PRPF39: variants seen among roughly 807,000 people sequenced by gnomAD.
PRPF39 encodes pre-mRNA processing factor 39.
PRPF39 carries 27 observed loss-of-function variants against 82.1 expected under a neutral mutation model. That is an observed-to-expected ratio of 0.33 (90% CI 0.24 to 0.45). The LOEUF is 0.45. Among genes scored for constraint, PRPF39 ranks in the 20% least tolerant of loss-of-function variants. The probability of loss-of-function intolerance (pLI) is 1.00; values close to 1 mark genes in which losing one functional copy is unlikely to be tolerated. For missense variants in PRPF39, 581 were observed against 796.9 expected (o/e 0.73, Z 3.26); for synonymous variants, 261 against 256.4 (o/e 1.02, Z -0.17).
At chr14:45,114,464 T>C (rs1221127390) in intron 12 of PRPF39, 30 bp from the exon 13 acceptor site, 11 of 1,535,900 alleles carry the variant, frequency 7.2e-6, no homozygotes, top group East Asian at 2.3e-5. Context: ...GTGGGAGTTT[T>C]GAAAGTTTCC....
intron 1 of PRPF39, among the ~76,000 whole-genome samples, chr14:45,086,686 A>C (rs1883837639): frequency 6.6e-6 from 1 of 152,170 alleles, no homozygotes; most frequent in Non-Finnish European, 1.5e-5. Flanking sequence ...TTACACGGCA[A>C]GTATTATTTC....
chr14:45,110,448 G>A lies in PRPF39; in HGVS notation c.1304-101G>A. 1 of 1,302,890 alleles carries A rather than the reference G, an allele frequency of 7.7e-7. No homozygotes were observed. The highest frequency in any genetic ancestry group is 2.4e-5 in the Admixed American group (1 of 40,976). 80.7% of individuals were successfully genotyped at this position (1,302,890 alleles called of 1,614,324 possible). A position where few individuals can be genotyped will look rare whatever the true frequency, so the allele number is the denominator to read the frequency against. Reference sequence around the variant, plus strand: ...TATGCATGGCTGTTTCCCATTATTAGTTGCTGGATTTAGCCCATGGGTGAT... The same window carrying A: ...TATGCATGGCTGTTTCCCATTATTAATTGCTGGATTTAGCCCATGGGTGAT... On this transcript the variant is annotated intron_variant, in intron 9 of 13. Transcript: ENST00000355765. The surrounding 1 kb of genome is among the most constrained non-coding windows in gnomAD (Gnocchi z 4.0).
intron 7 of PRPF39, among the ~76,000 whole-genome samples, chr14:45,108,768 C>T (rs1164972227): frequency 2.0e-5 from 3 of 152,056 alleles, no homozygotes; most frequent in Non-Finnish European, 4.4e-5. Flanking sequence ...CAATTTTATT[C>T]TAATTGTTCA....
At chr14:45,094,823 A>T (rs1430835318) in intron 1 of PRPF39, among the ~76,000 whole-genome samples, 2 of 152,236 alleles carry the variant, frequency 1.3e-5, no homozygotes, top group Non-Finnish European at 2.9e-5. Context: ...CCTCCAGAAC[A>T]GTTGTTAAAG....
chr14:45,112,689 C>T (rs1343368587), intron 11 of PRPF39, among the ~76,000 whole-genome samples, 187 bp downstream of exon 11: 1 of 152,150 alleles, frequency 6.6e-6, no homozygotes, highest in African/African-American at 2.4e-5. Flanking sequence ...AACAGGAAGG[C>T]ATAAGGTTTG....
At position 45,107,626 on chromosome 14, in the gene PRPF39, C is replaced by G. The variant is rs1459999650; in HGVS notation, c.903+10C>G. On this transcript the variant is annotated intron_variant, in intron 6 of 13. Coordinates refer to ENST00000355765, the MANE Select transcript of PRPF39 (RefSeq NM_017922.4). ...AACCGATCCTGCAAAGGTAACCAGT[C>G]TTATTCTAAAGTTCGTCAGTGGCCA... 3 of 1,549,740 alleles carry G rather than the reference C, an allele frequency of 1.9e-6. No individual in the cohort carries two copies. Among genetic ancestry groups the G allele is most frequent in the Non-Finnish European group, 2.6e-6 (3 of 1,145,438 alleles).
Position 45,110,850 on chromosome 14 carries a change from T to C in PRPF39, c.1572+33T>C. ...TTTGTATTTTTAAGAGTATCTTCTA[T>C]TAAAAAAACCAGTGGTCAGTGTATT... On this transcript the variant is annotated intron_variant, in intron 10 of 13. Transcript: ENST00000355765. The surrounding 1 kb of genome is among the most constrained non-coding windows in gnomAD (Gnocchi z 4.0). 1 of 1,513,858 alleles carries C rather than the reference T, an allele frequency of 6.6e-7. No homozygotes were observed. The highest frequency in any genetic ancestry group is 1.7e-4 in the Middle Eastern group (1 of 5,828). The allele number at this position is 1,513,858 out of a possible 1,614,324, so 93.8% of individuals were successfully genotyped here.
At chr14:45,093,734 T>C (rs1566691496) in intron 1 of PRPF39, among the ~76,000 whole-genome samples, 1 of 151,752 alleles carries the variant, frequency 6.6e-6, no homozygotes, top group African/African-American at 2.4e-5. Context: ...TTGGTATTTT[T>C]AGTAGAGACA....
chr14:45,112,546 T>C (rs1381043700), intron 11 of PRPF39, 44 bp downstream of exon 11: 8 of 1,406,724 alleles, frequency 5.7e-6, no homozygotes, highest in Non-Finnish European at 7.4e-6. Context: ...TAAATGAGCA[T>C]TGATATTTTT....
intron 4 of PRPF39, 33 bp from the exon 5 acceptor site, chr14:45,102,496 G>T: frequency 2.7e-6 from 4 of 1,500,190 alleles, no homozygotes; most frequent in South Asian, 2.6e-5. Context: ...TTTTATCTTG[G>T]AAAGATAACT....
rs1397861322 is a variant in PRPF39 at position 45,110,376 on chromosome 14, C to T, written c.1303+156C>T. Among the ~76,000 whole-genome samples the T allele has an allele frequency of 3.3e-5, 5 of 152,182 alleles. No individual in the cohort carries two copies. The highest frequency in any genetic ancestry group is 7.3e-5 in the Non-Finnish European group (5 of 68,034). On this transcript the variant is annotated intron_variant, in intron 9 of 13. Coordinates refer to ENST00000355765, the MANE Select transcript of PRPF39 (RefSeq NM_017922.4). This position sits in a 1 kb window ranked among gnomAD's most constrained non-coding sequence, Gnocchi z 4.0. ...AAAGCCACGTGTTCTGACTTTCAGG[C>T]TTTGTAAGCCATTGTAGCCCCGAAA...
intron 1 of PRPF39, among the ~76,000 whole-genome samples, chr14:45,089,402 G>C (rs1883947732): frequency 6.6e-6 from 1 of 152,182 alleles, no homozygotes; most frequent in South Asian, 2.1e-4. Flanking sequence ...CATTTGAGAA[G>C]GGAGTTTATT....
intron 1 of PRPF39, among the ~76,000 whole-genome samples, chr14:45,088,030 C>T (rs1883898728): frequency 6.6e-6 from 1 of 152,080 alleles, no homozygotes; most frequent in Non-Finnish European, 1.5e-5. Context: ...TATACTAGGC[C>T]TCCAGGTGTA....
intron 1 of PRPF39, among the ~76,000 whole-genome samples, chr14:45,087,778 G>A (rs1394728401): frequency 6.8e-6 from 1 of 146,480 alleles, no homozygotes; most frequent in African/African-American, 2.6e-5. Flanking sequence ...TAGTAGAGAC[G>A]GGATTTCACC....
chr14:45,095,475 C>T lies in PRPF39; in HGVS notation c.236C>T (p.Pro79Leu). 1.2e-6 allele frequency: 2 copies of T among 1,613,850 alleles called. No individual in the cohort carries two copies. Among genetic ancestry groups the T allele is most frequent in the Non-Finnish European group, 1.7e-6 (2 of 1,179,870 alleles). The change falls in exon 2 of 14, where the codon CCA (proline) becomes CTA (leucine). Residue 79 changes from proline to leucine, a missense_variant. Pro to Leu is a moderately conservative substitution (Grantham distance 98). Coordinates refer to ENST00000355765, the MANE Select transcript of PRPF39 (RefSeq NM_017922.4). The part of the protein sequence containing the change: ...TLTETEANFP[P>L]EYEKFWKTVE... ...ACAGAAACAGAAGCAAATTTCCCTC[C>T]AGAATATGAAAAATTTTGGAAAACT...
At chr14:45,092,651 A>G (rs1248872339) in intron 1 of PRPF39, among the ~76,000 whole-genome samples, 3 of 149,620 alleles carry the variant, frequency 2.0e-5, no homozygotes, top group Admixed American at 2.0e-4. Flanking sequence ...CAAATTTAGT[A>G]TTATTCTTCA....
At position 45,107,559 on chromosome 14, in the gene PRPF39, T is replaced by C; in HGVS notation, c.846T>C (p.Asp282=). The C allele has an allele frequency of 6.4e-7, 1 of 1,553,344 alleles. No homozygotes were observed. Among genetic ancestry groups the C allele is most frequent in the South Asian group, 1.2e-5 (1 of 84,142 alleles). Reference sequence around the variant, plus strand: ...CTGTAAATGGTCATAGTGGTGATGATGGTCCTCCTGGTGATGATCTACCAT... The same window carrying C: ...CTGTAAATGGTCATAGTGGTGATGACGGTCCTCCTGGTGATGATCTACCAT... ...LASVNGHSGD[D]GPPGDDLPSG... is the part of the protein sequence containing the mutation. The change falls in exon 6 of 14, where the codon GAT becomes GAC. Residue 282 remains aspartate, a synonymous_variant. Coordinates refer to ENST00000355765, the MANE Select transcript of PRPF39 (RefSeq NM_017922.4).
At chr14:45,085,500 A>G (rs947344896) in intron 1 of PRPF39, among the ~76,000 whole-genome samples, 9 of 152,260 alleles carry the variant, frequency 5.9e-5, no homozygotes, top group Non-Finnish European at 1.2e-4. Flanking sequence ...ACAAATCTAC[A>G]TGGAAGATAG....
At chr14:45,108,181 T>C (rs1161615795) in intron 6 of PRPF39, among the ~76,000 whole-genome samples, 2 of 152,128 alleles carry the variant, frequency 1.3e-5, no homozygotes, top group African/African-American at 4.8e-5. Flanking sequence ...AGGTTGTGTA[T>C]CTACTAGCCC....
Sources: gnomAD v4.1 joint callset for allele counts (sites outside exome capture counted in the v4.1 genomes callset) on GRCh38, gnomAD v4.1.1 for gene constraint, Gnocchi (gnomAD v3.1) non-coding constraint, MANE v1.5 for transcripts, NCBI Gene and HGNC (gene_info 2026-07-23, HGNC 2026-07-21) for gene names.